The following PGBD5 variants were observed in gnomAD, a reference collection of about 807,000 sequenced individuals.
The protein encoded by PGBD5 is piggyBac transposable element derived 5, also known as piggyBac transposable element-derived protein 5.
Under a neutral mutation model 47.9 loss-of-function variants are expected in PGBD5, and 14 were observed. The observed-to-expected ratio is 0.29, with a 90% CI of 0.19 to 0.46. The LOEUF (loss-of-function observed/expected upper bound fraction) is 0.46, where lower values mean the gene tolerates loss of function less well. PGBD5 is among the 20% of genes least tolerant of loss of function. The probability of loss-of-function intolerance (pLI) is 1.00; values close to 1 mark genes in which losing one functional copy is unlikely to be tolerated. For missense variants in PGBD5, 635 were observed against 716.0 expected, an observed-to-expected ratio of 0.89 and a Z score of 1.29; for synonymous variants, 316 against 306.3, an observed-to-expected ratio of 1.03 and a Z score of -0.33.
intron 1 of PGBD5, among the ~76,000 whole-genome samples, chr1:230,381,185 A>C (rs1656480062): frequency 6.6e-6 from 1 of 152,252 alleles, no homozygotes; most frequent in African/African-American, 2.4e-5. Context: ...CCTGGACTAT[A>C]AAGTTAGAGC....
intron 1 of PGBD5, among the ~76,000 whole-genome samples, chr1:230,382,634 T>C (rs554936173): frequency 7.9e-5 from 12 of 152,240 alleles, no homozygotes; most frequent in Admixed American, 4.6e-4. Flanking sequence ...CTAGGTAAAC[T>C]AGGGTGGTTG....
At chr1:230,339,667 T>C (rs184917340) in intron 3 of PGBD5, among the ~76,000 whole-genome samples, 25 of 152,262 alleles carry the variant, frequency 1.6e-4, no homozygotes, top group African/African-American at 5.3e-4. Flanking sequence ...TGAAATACTA[T>C]TCAGCCTTTA....
intron 1 of PGBD5, among the ~76,000 whole-genome samples, chr1:230,369,865 C>A (rs77871856): frequency 0.043 from 6,506 of 151,996 alleles, 156 homozygotes; most frequent in South Asian, 0.07. Flanking sequence ...CATACCCACC[C>A]ACGCCAGGAT....
intron 1 of PGBD5, among the ~76,000 whole-genome samples, chr1:230,373,408 G>A (rs1327090892): frequency 6.6e-6 from 1 of 152,190 alleles, no homozygotes; most frequent in Non-Finnish European, 1.5e-5. Flanking sequence ...CCTGCCTGGG[G>A]CCTGTGACTG....
chr1:230,400,103 C>T (rs556339006), intron 1 of PGBD5, among the ~76,000 whole-genome samples: 9 of 152,356 alleles, frequency 5.9e-5, no homozygotes, highest in Admixed American at 3.9e-4. Flanking sequence ...CTGTGCCCCG[C>T]CTCCACCCTG....
At chr1:230,391,245 G>T (rs828469) in intron 1 of PGBD5, among the ~76,000 whole-genome samples, 50,443 of 151,726 alleles carry the variant, frequency 0.33, 9,567 homozygotes, top group African/African-American at 0.51. Context: ...TAACATCTCC[G>T]AGGGCCTGAG....
chr1:230,378,409 T>C (rs1157370546), intron 1 of PGBD5, among the ~76,000 whole-genome samples: 3 of 152,246 alleles, frequency 2.0e-5, no homozygotes, highest in Non-Finnish European at 4.4e-5. Flanking sequence ...ATCCCTTTTC[T>C]CTCTGTATTC....
chr1:230,360,987 G>A (rs1174192955), intron 1 of PGBD5, among the ~76,000 whole-genome samples: 2 of 152,188 alleles, frequency 1.3e-5, no homozygotes, highest in Non-Finnish European at 2.9e-5. Context: ...CGCAGCCCAA[G>A]GGCATCCACT....
chr1:230,351,147 C>A, intron 2 of PGBD5, 55 bp from the exon 3 acceptor site: 1 of 1,546,986 alleles, frequency 6.5e-7, no homozygotes, highest in South Asian at 1.2e-5. Flanking sequence ...AGCTTGAGGG[C>A]TCATCAGATT....
chr1:230,343,364 G>T (rs1667435214), intron 3 of PGBD5, among the ~76,000 whole-genome samples: 1 of 152,108 alleles, frequency 6.6e-6, no homozygotes, highest in Non-Finnish European at 1.5e-5. Flanking sequence ...TTAGGGAGAG[G>T]GTTGAATCTG....
intron 1 of PGBD5, among the ~76,000 whole-genome samples, chr1:230,411,945 G>A (rs138474698): frequency 3.5e-4 from 53 of 152,176 alleles, no homozygotes; most frequent in African/African-American, 1.3e-3. Context: ...CATGAGAAGA[G>A]CTTGACAAAA....
At chr1:230,390,362 C>T (rs1656754620) in intron 1 of PGBD5, among the ~76,000 whole-genome samples, 1 of 152,156 alleles carries the variant, frequency 6.6e-6, no homozygotes, top group Non-Finnish European at 1.5e-5. Context: ...GAATCACCAG[C>T]AGAAGCCCAA....
intron 1 of PGBD5, among the ~76,000 whole-genome samples, chr1:230,366,911 G>C (rs1458741674): frequency 1.3e-5 from 2 of 152,060 alleles, no homozygotes; most frequent in Non-Finnish European, 2.9e-5. Flanking sequence ...TAGGCACTGT[G>C]TCTACTTCTC....
At chr1:230,334,671 C>A (rs1667274882) in intron 4 of PGBD5, among the ~76,000 whole-genome samples, 1 of 152,206 alleles carries the variant, frequency 6.6e-6, no homozygotes, top group Non-Finnish European at 1.5e-5. Flanking sequence ...CCACCAGTGA[C>A]CCTCCCTGTG....
intron 1 of PGBD5, among the ~76,000 whole-genome samples, chr1:230,407,362 G>C (rs1657320966): frequency 6.6e-6 from 1 of 152,164 alleles, no homozygotes; most frequent in Non-Finnish European, 1.5e-5. Flanking sequence ...GAATTGCTGA[G>C]ATTTGCCCAA....
intron 3 of PGBD5, 78 bp downstream of exon 3, chr1:230,350,880 T>A (rs1321715771): frequency 1.3e-6 from 2 of 1,550,978 alleles, no homozygotes; most frequent in Non-Finnish European, 1.7e-6. Flanking sequence ...TTCTTGGGTA[T>A]CAGATGAGCC....
intron 1 of PGBD5, among the ~76,000 whole-genome samples, chr1:230,380,974 G>T (rs962523933): frequency 2.0e-5 from 3 of 152,278 alleles, no homozygotes; most frequent in African/African-American, 7.2e-5. Context: ...CCGCTCAGGA[G>T]TGGGTGGCCG....
intron 3 of PGBD5, among the ~76,000 whole-genome samples, chr1:230,338,420 T>A (rs1411384113): frequency 2.6e-5 from 4 of 152,188 alleles, no homozygotes; most frequent in African/African-American, 9.7e-5. Flanking sequence ...AGGTCCTGTG[T>A]CCCTGCTGGC....
intron 1 of PGBD5, among the ~76,000 whole-genome samples, chr1:230,412,863 T>A (rs780044007): frequency 2.0e-5 from 3 of 152,168 alleles, no homozygotes; most frequent in African/African-American, 4.8e-5. Context: ...TATTTTCGCA[T>A]GCATAATTTT....
Sources: gnomAD v4.1 joint callset for allele counts (sites outside exome capture counted in the v4.1 genomes callset) on GRCh38, gnomAD v4.1.1 for gene constraint, MANE v1.5 for transcripts, NCBI Gene and HGNC (gene_info 2026-07-23, HGNC 2026-07-21) for gene names.